The following CNTNAP3B variants were observed in gnomAD, a reference collection of about 807,000 sequenced individuals.
CNTNAP3B encodes the protein contactin-associated protein-like 3B.
CNTNAP3B carries 25 observed loss-of-function variants against 108.9 expected under a neutral mutation model. The observed-to-expected ratio is 0.23, with a 90% CI of 0.17 to 0.32. The LOEUF (loss-of-function observed/expected upper bound fraction) is 0.32, where lower values mean the gene tolerates loss of function less well. Ranked by LOEUF, CNTNAP3B falls within the 10% of genes least tolerant of loss-of-function variation. CNTNAP3B has a pLI of 1.00. For synonymous variants in CNTNAP3B, 103 were observed against 473.4 expected (o/e 0.22, Z 10.16); for missense variants, 252 against 1,210.4 (o/e 0.21, Z 11.75).
In CNTNAP3B at chr9:41,962,871, C is replaced by T. The variant is rs1281134933; in HGVS notation, c.1756+1667G>A. Among the ~76,000 whole-genome samples the T allele has an allele frequency of 6.6e-3, 998 of 150,754 alleles. 2 individuals are homozygous for T. Among genetic ancestry groups the T allele is most frequent in the Non-Finnish European group, 9.4e-3 (631 of 67,112 alleles). The stretch of plus-strand genomic sequence containing the variant: ...TCGGGAGGCTGAGGCAGGAGAATGG[C>T]GTGAACCCAGGAGGCGGAACTTGCA... On this transcript the variant is annotated intron_variant, in intron 11 of 23. Coordinates refer to ENST00000377561, the MANE Select transcript of CNTNAP3B (RefSeq NM_001201380.3).
chr9:41,935,434 G>C (rs1156703267), intron 14 of CNTNAP3B, among the ~76,000 whole-genome samples: 1 of 152,268 alleles, frequency 6.6e-6, no homozygotes, highest in Non-Finnish European at 1.5e-5. Flanking sequence ...ACTTTACTAA[G>C]CACACCTCAG....
intron 3 of CNTNAP3B, among the ~76,000 whole-genome samples, chr9:42,041,480 T>C (rs980865795): frequency 8.1e-5 from 12 of 148,440 alleles, no homozygotes; most frequent in African/African-American, 2.8e-4. Context: ...AACAGACACA[T>C]GAAAAAATGC....
chr9:42,116,410 A>G (rs1564199520), intron 1 of CNTNAP3B, among the ~76,000 whole-genome samples: 1 of 130,572 alleles, frequency 7.7e-6, no homozygotes, highest in Non-Finnish European at 1.6e-5. Context: ...AGAATTTCAT[A>G]TCCAGCCAAA....
chr9:42,096,937 G>A (rs1283615161), intron 2 of CNTNAP3B, among the ~76,000 whole-genome samples: 1 of 124,736 alleles, frequency 8.0e-6, no homozygotes, highest in East Asian at 2.5e-4. Flanking sequence ...TTTTTTAATA[G>A]AGACAGGGTT....
chr9:42,026,646 G>C (rs541131801), intron 3 of CNTNAP3B, among the ~76,000 whole-genome samples: 11 of 103,306 alleles, frequency 1.1e-4, no homozygotes, highest in African/African-American at 3.6e-4. Context: ...AGAATTTTCA[G>C]AAGTTTACCC....
At chr9:41,935,744 A>G (rs1824137810) in intron 14 of CNTNAP3B, among the ~76,000 whole-genome samples, 1 of 152,282 alleles carries the variant, frequency 6.6e-6, no homozygotes, top group East Asian at 1.9e-4. Flanking sequence ...AAGGTTAAAA[A>G]GCAAATGACT....
At chr9:42,073,068 C>T (rs1187596252) in intron 3 of CNTNAP3B, among the ~76,000 whole-genome samples, 7 of 138,526 alleles carry the variant, frequency 5.1e-5, no homozygotes, top group African/African-American at 8.6e-5. Flanking sequence ...AATAATTTTG[C>T]TTTTAGAATT....
intron 2 of CNTNAP3B, among the ~76,000 whole-genome samples, chr9:42,086,569 C>T (rs1462752580): frequency 1.8e-5 from 2 of 110,826 alleles, no homozygotes; most frequent in Non-Finnish European, 3.6e-5. Flanking sequence ...CTCAGCTACC[C>T]GAGTAGCTAG....
chr9:42,030,240 C>G (rs1289132005), intron 3 of CNTNAP3B, among the ~76,000 whole-genome samples: 2 of 49,408 alleles, frequency 4.0e-5, no homozygotes, highest in Non-Finnish European at 3.4e-5. Flanking sequence ...AGTAACCACT[C>G]TTGAAGAAAA....
In CNTNAP3B at chr9:42,128,305, G is replaced by A. The variant is rs115473781; in HGVS notation, c.85+705C>T. Among the ~76,000 whole-genome samples the A allele has an allele frequency of 5.1e-3, 710 of 139,596 alleles. 161 individuals are homozygous for A. Among genetic ancestry groups the A allele is most frequent in the African/African-American group, 0.019 (677 of 35,248 alleles). The allele number at this position is 139,596 out of a possible 152,430, so 91.6% of individuals were successfully genotyped here. On this transcript the variant is annotated intron_variant, in intron 1 of 23. Transcript: ENST00000377561. ...GCTTCCTAGGTGTTTACCAAATTAAGTAAAATAAAAAACAGGGAACCCGAT... is the reference window on the plus strand; with the variant it reads ...GCTTCCTAGGTGTTTACCAAATTAAATAAAATAAAAAACAGGGAACCCGAT...
At position 42,125,601 on chromosome 9, in the gene CNTNAP3B, C is replaced by T. The variant is rs1375280969; in HGVS notation, c.85+3409G>A. 5.0e-5 allele frequency among the ~76,000 whole-genome samples: 7 copies of T among 138,750 alleles called. 2 individuals are homozygous for T. The highest frequency in any genetic ancestry group is 1.7e-4 in the African/African-American group (6 of 35,144). The allele number at this position is 138,750 out of a possible 152,430, so 91.0% of individuals were successfully genotyped here. A position where few individuals can be genotyped will look rare whatever the true frequency, so the allele number is the denominator to read the frequency against. On this transcript the variant is annotated intron_variant, in intron 1 of 23. Coordinates refer to ENST00000377561, the MANE Select transcript of CNTNAP3B (RefSeq NM_001201380.3). ...TGATTATCATTTCCATGGGCTACTT[C>T]AGCTCCGTACTGTTTGTATAGAGTT...
chr9:42,070,786 G>A (rs1289473382), intron 3 of CNTNAP3B, among the ~76,000 whole-genome samples: 1 of 152,120 alleles, frequency 6.6e-6, no homozygotes, highest in African/African-American at 2.4e-5. Flanking sequence ...ACTCACATTT[G>A]CTCCAGTCAG....
intron 15 of CNTNAP3B, among the ~76,000 whole-genome samples, chr9:41,926,149 G>C (rs1172719212): frequency 1.9e-3 from 284 of 152,202 alleles, no homozygotes; most frequent in African/African-American, 6.2e-3. Flanking sequence ...AGCACCACAG[G>C]GTTCATTACA....
chr9:42,047,483 C>T, intron 3 of CNTNAP3B, among the ~76,000 whole-genome samples: 1 of 110,576 alleles, frequency 9.0e-6, no homozygotes, highest in Middle Eastern at 4.2e-3. Context: ...AATGACATAG[C>T]AAATTATAAA....
At chr9:42,096,944 G>T (rs1827913472) in intron 2 of CNTNAP3B, among the ~76,000 whole-genome samples, 1 of 129,442 alleles carries the variant, frequency 7.7e-6, no homozygotes, top group African/African-American at 3.2e-5. Context: ...ATAGAGACAG[G>T]GTTTTGATGT....
chr9:41,993,332 C>T (rs1825841397), intron 7 of CNTNAP3B: 1 of 123,296 alleles, frequency 8.1e-6, no homozygotes, highest in Non-Finnish European at 1.7e-5. Context: ...AAAATTTTGT[C>T]CCAACATACT....
At chr9:42,113,004 C>A (rs1186694343) in intron 1 of CNTNAP3B, among the ~76,000 whole-genome samples, 2 of 132,642 alleles carry the variant, frequency 1.5e-5, no homozygotes, top group African/African-American at 6.1e-5. Flanking sequence ...ATCCACCTGC[C>A]TCAACCTCCC....
rs541785077 is a variant in CNTNAP3B, at chr9:42,096,335, G to A, written c.196+8294C>T. On this transcript the variant is annotated intron_variant, in intron 2 of 23. Transcript: ENST00000377561. ...GCATACTATCGTGCAGTCCTGCTGA[G>A]GGTTCCTAGTCTGCGAGATAGCAGA... 2.7e-4 allele frequency among the ~76,000 whole-genome samples: 38 copies of A among 140,308 alleles called. 6 individuals carry two copies. Among genetic ancestry groups the A allele is most frequent in the African/African-American group, 1.1e-3 (38 of 35,578 alleles). The allele number at this position is 140,308 out of a possible 152,430, so 92.0% of individuals were successfully genotyped here. A position where few individuals can be genotyped will look rare whatever the true frequency, so the allele number is the denominator to read the frequency against.
chr9:42,014,822 C>A (rs1826193946), intron 3 of CNTNAP3B, among the ~76,000 whole-genome samples: 2 of 67,020 alleles, frequency 3.0e-5, no homozygotes, highest in African/African-American at 6.7e-5. Context: ...ATGTACCAGG[C>A]TTAACAACAA....
Sources: allele counts gnomAD v4.1 joint callset (sites outside exome capture counted in the v4.1 genomes callset), GRCh38; gene constraint gnomAD v4.1.1; transcripts MANE v1.5; gene names NCBI Gene and HGNC (gene_info 2026-07-23, HGNC 2026-07-21).